IQCM: variants seen among roughly 807,000 people sequenced by gnomAD.
The protein encoded by IQCM is IQ motif containing M.
IQCM carries 45 observed loss-of-function variants against 57.6 expected under a neutral mutation model. The ratio of observed to expected loss-of-function variants is 0.78; its 90% CI spans 0.62 to 1.00. The LOEUF (loss-of-function observed/expected upper bound fraction) is 1.00, where lower values mean the gene tolerates loss of function less well. IQCM is among the 50% of genes least tolerant of loss of function. IQCM has a pLI of 0.00. For synonymous variants in IQCM, 148 were observed against 158.9 expected (o/e 0.93, Z 0.51); for missense variants, 468 against 511.6 (o/e 0.91, Z 0.82).
At chr4:149,510,082 T>A (rs576693539) in intron 12 of IQCM, among the ~76,000 whole-genome samples, 1 of 152,180 alleles carries the variant, frequency 6.6e-6, no homozygotes. Context: ...CACAAAAATA[T>A]AGCAAAATTT....
chr4:149,361,858 A>C lies in IQCM; in HGVS notation c.1391-9792T>G, dbSNP rs563099573. The stretch of plus-strand genomic sequence containing the variant: ...TGTGAGAAGAGGGCCACCTTACTCC[A>C]AATCCCAGAATGCTAAATCCATCAA... On this transcript the variant is annotated intron_variant, in intron 13 of 13. Transcript: ENST00000636793. Among the ~76,000 whole-genome samples the C allele has an allele frequency of 3.2e-4, 48 of 152,302 alleles. 1 individual carries two copies. In the South Asian group the frequency reaches 9.9e-3, roughly 32 times the overall value.
Position 149,352,747 on chromosome 4 carries a change from A to C in IQCM, c.1391-681T>G, listed in dbSNP as rs1274267551. Among the ~76,000 whole-genome samples, 3 of 152,210 alleles carry C rather than the reference A, an allele frequency of 2.0e-5. No individual in the cohort carries two copies. In the South Asian group the frequency reaches 6.2e-4, roughly 32 times the overall value. On this transcript the variant is annotated intron_variant, in intron 13 of 13. Transcript: ENST00000636793. ...TAAAGTGTAATCAGTTCTGATAATGATATTTAAATTAACATAAACCACTAT... is the reference window on the plus strand; with the variant it reads ...TAAAGTGTAATCAGTTCTGATAATGCTATTTAAATTAACATAAACCACTAT...
At chr4:149,654,123 T>TA (rs534633467) in intron 7 of IQCM, among the ~76,000 whole-genome samples, 1 of 152,196 alleles carries the variant, frequency 6.6e-6, no homozygotes, top group Non-Finnish European at 1.5e-5. Context: ...TTAGGGAAGA[T>TA]AATTTAGTAA....
intron 2 of IQCM, among the ~76,000 whole-genome samples, chr4:149,779,589 T>A (rs1467295970): frequency 6.6e-6 from 1 of 152,048 alleles, no homozygotes; most frequent in African/African-American, 2.4e-5. Flanking sequence ...ATACAAAAAA[T>A]TCAAAATGAA....
intron 5 of IQCM, among the ~76,000 whole-genome samples, chr4:149,725,021 GA>G (rs989871003): frequency 1.3e-5 from 2 of 152,032 alleles, no homozygotes; most frequent in Non-Finnish European, 2.9e-5. Flanking sequence ...TACACAGAAA[GA>G]GAAGATAATT....
In IQCM at chr4:149,733,395, T is replaced by C; in HGVS notation, c.234A>G (p.Gln78=). 8.1e-7 allele frequency: 1 copy of C among 1,231,876 alleles called. No homozygotes were observed. The allele number at this position is 1,231,876 out of a possible 1,614,324, so 76.3% of individuals were successfully genotyped here. ...IDKKVTRDVV[Q]EHRAALRRIC... ...TCCTTCTGAGTGCGGCCCGATGTTCTTGCACCACATCACGTGTTACCTTTT... is the reference window on the plus strand; with the variant it reads ...TCCTTCTGAGTGCGGCCCGATGTTCCTGCACCACATCACGTGTTACCTTTT... The change falls in exon 5 of 14, where the codon CAA becomes CAG. Residue 78 remains glutamine (Q), a synonymous_variant. Transcript: ENST00000636793.
At chr4:149,754,996 G>A (rs896919894) in intron 2 of IQCM, among the ~76,000 whole-genome samples, 1 of 152,106 alleles carries the variant, frequency 6.6e-6, no homozygotes, top group Non-Finnish European at 1.5e-5. Context: ...AGTTACTGAG[G>A]CCAGACAATC....
At chr4:149,454,042 G>A (rs546226262) in intron 12 of IQCM, among the ~76,000 whole-genome samples, 44 of 151,362 alleles carry the variant, frequency 2.9e-4, no homozygotes, top group Admixed American at 1.5e-3. Context: ...CAATTGATGA[G>A]TAGCTAAACA....
At chr4:149,496,162 G>A (rs575495541) in intron 12 of IQCM, among the ~76,000 whole-genome samples, 1 of 152,066 alleles carries the variant, frequency 6.6e-6, no homozygotes, top group African/African-American at 2.4e-5. Context: ...GTATGGGGGT[G>A]AAATGGGAAT....
intron 7 of IQCM, among the ~76,000 whole-genome samples, chr4:149,675,787 T>A (rs1255502800): frequency 4.6e-5 from 7 of 152,004 alleles, no homozygotes; most frequent in South Asian, 4.1e-4. Flanking sequence ...CTTTAGGGGA[T>A]CCCTCCTCTC....
intron 12 of IQCM, among the ~76,000 whole-genome samples, chr4:149,510,301 C>G (rs1243975238): frequency 6.6e-6 from 1 of 152,020 alleles, no homozygotes; most frequent in Non-Finnish European, 1.5e-5. Flanking sequence ...TAAAATTGGC[C>G]TATTTTTCTA....
At chr4:149,572,677 C>T (rs1169321634) in intron 9 of IQCM, among the ~76,000 whole-genome samples, 4 of 151,968 alleles carry the variant, frequency 2.6e-5, no homozygotes, top group Admixed American at 1.3e-4. Context: ...TTGAAGGTTT[C>T]ATCATGTTCT....
chr4:149,635,057 AT>A (rs1306096122), intron 7 of IQCM, among the ~76,000 whole-genome samples: 2 of 152,202 alleles, frequency 1.3e-5, no homozygotes, highest in Non-Finnish European at 2.9e-5. Context: ...TTATTCCAAA[AT>A]GCACAAACTT....
intron 2 of IQCM, among the ~76,000 whole-genome samples, chr4:149,806,533 T>C (rs527797343): frequency 5.7e-4 from 87 of 152,156 alleles, no homozygotes; most frequent in Non-Finnish European, 1.2e-3. Flanking sequence ...TCTACCTTCA[T>C]GAGATACATT....
intron 8 of IQCM, among the ~76,000 whole-genome samples, chr4:149,612,654 C>G (rs534914864): frequency 1.3e-4 from 19 of 151,986 alleles, no homozygotes; most frequent in Non-Finnish European, 2.4e-4. Flanking sequence ...AACTATGTAA[C>G]TGTAACTATG....
chr4:149,536,111 A>G (rs1449448861), intron 12 of IQCM, among the ~76,000 whole-genome samples: 1 of 152,044 alleles, frequency 6.6e-6, no homozygotes, highest in Admixed American at 6.6e-5. Flanking sequence ...TTGTTTATCC[A>G]AAGGTATTCA....
In IQCM at chr4:149,354,892, G is replaced by C. The variant is rs573705527; in HGVS notation, c.1391-2826C>G. On this transcript the variant is annotated intron_variant, in intron 13 of 13. Transcript: ENST00000636793. ...ACACTAATGCAACGTGTTAATAATA[G>C]GAGAATCTATTAATAGGGCTGGGGT... Among the ~76,000 whole-genome samples, 47 of 152,188 alleles carry C rather than the reference G, an allele frequency of 3.1e-4. 1 individual carries two copies. In the South Asian group the frequency reaches 9.5e-3, roughly 31 times the overall value.
chr4:149,464,122 T>C (rs1738594500), intron 12 of IQCM, among the ~76,000 whole-genome samples: 1 of 152,316 alleles, frequency 6.6e-6, no homozygotes, highest in Non-Finnish European at 1.5e-5. Flanking sequence ...TATGTAATTC[T>C]GCTACTCGGC....
rs1491499127 is a variant in IQCM at position 149,368,854 on chromosome 4, A to ACGTATATATATACATATATATACG, written c.1391-16789_1391-16788insCGTATATATATGTATATATATACG. On this transcript the variant is annotated intron_variant, in intron 13 of 13. Coordinates refer to ENST00000636793, the MANE Select transcript of IQCM (RefSeq NM_001363507.2). The stretch of plus-strand genomic sequence containing the variant: ...CATGTATATATATACATATATATAC[A>ACGTATATATATACATATATATACG]TGTATATATATACATATATACACGT... Among the ~76,000 whole-genome samples the ACGTATATATATACATATATATACG allele has an allele frequency of 7.6e-4, 34 of 44,568 alleles. 9 individuals carry two copies. Among genetic ancestry groups the ACGTATATATATACATATATATACG allele is most frequent in the African/African-American group, 1.2e-3 (14 of 11,278 alleles). 29.2% of individuals were successfully genotyped at this position (44,568 alleles called of 152,430 possible).
Sources: allele counts gnomAD v4.1 joint callset (sites outside exome capture counted in the v4.1 genomes callset), GRCh38; gene constraint gnomAD v4.1.1; transcripts MANE v1.5; gene names NCBI Gene and HGNC (gene_info 2026-07-23, HGNC 2026-07-21).